AP1S2: variants seen among roughly 807,000 people sequenced by gnomAD.
AP1S2 encodes the protein adaptor related protein complex 1 subunit sigma 2, also known as AP-1 complex subunit sigma-2.
In AP1S2, 1 loss-of-function variant was observed where a neutral mutation model predicts 14.3. The ratio of observed to expected loss-of-function variants is 0.07; its 90% CI spans 0.02 to 0.33. The LOEUF is 0.33. Among genes scored for constraint, AP1S2 ranks in the 10% least tolerant of loss-of-function variants. The pLI is 0.99. For missense variants in AP1S2, 30 were observed against 117.7 expected (o/e 0.25, Z 3.45); for synonymous variants, 30 against 40.5 (o/e 0.74, Z 0.99).
At chrX:15,832,812 C>A (rs1933475074) in intron 4 of AP1S2, 1 of 939,726 alleles carries the variant, frequency 1.1e-6, no homozygotes, top group Non-Finnish European at 1.3e-6. Context: ...GTAATTGGGA[C>A]TATCCCTTGG....
chrX:15,843,811 G>T (rs918563599), intron 4 of AP1S2, among the ~76,000 whole-genome samples: 2 of 111,567 alleles, frequency 1.8e-5, no homozygotes, highest in African/African-American at 6.5e-5. Context: ...TCTGATTAGT[G>T]AACAGCAAAA....
chrX:15,833,125 G>A, intron 4 of AP1S2: 2 of 985,270 alleles, frequency 2.0e-6, no homozygotes, highest in Non-Finnish European at 2.6e-6. Flanking sequence ...TTATATTATA[G>A]TTTATCATCT....
At chrX:15,834,729 C>A (rs1039535167) in intron 4 of AP1S2, among the ~76,000 whole-genome samples, 1 of 102,896 alleles carries the variant, frequency 9.7e-6, no homozygotes, top group Non-Finnish European at 2.0e-5. Flanking sequence ...TCATGATCCA[C>A]CCGCCTCAGC....
In AP1S2 at chrX:15,826,263, A is replaced by C; in HGVS notation, c.*1062T>G. The C allele has an allele frequency of 8.9e-6, 1 of 112,577 alleles. No homozygotes were observed. The highest frequency in any genetic ancestry group is 4.6e-3 in the Middle Eastern group (1 of 219). 9.3% of individuals were successfully genotyped at this position (112,577 alleles called of 1,213,427 possible). ...GACGCTGAACAATTACATAGCTTTAAAAAATATAGAGCCATCTAATGCCAT... is the reference window on the plus strand; with the variant it reads ...GACGCTGAACAATTACATAGCTTTACAAAATATAGAGCCATCTAATGCCAT... On this transcript the variant is annotated 3_prime_UTR_variant, in exon 6 of 6. Coordinates refer to ENST00000672987, the MANE Select transcript of AP1S2 (RefSeq NM_001272071.2).
At position 15,828,208 on chromosome X, in the gene AP1S2, T is replaced by A; in HGVS notation, c.427-8A>T. Reference sequence around the variant, plus strand: ...TAAACTTACTTTCGCATCCTAATCATGGTACAGCACAAAGCAAGGAGAAGA... The same window carrying A: ...TAAACTTACTTTCGCATCCTAATCAAGGTACAGCACAAAGCAAGGAGAAGA... On this transcript the variant is annotated splice_polypyrimidine_tract_variant and splice_region_variant and intron_variant, in intron 4 of 5. Transcript: ENST00000672987. 9.0e-7 allele frequency: 1 copy of A among 1,116,620 alleles called. No individual in the cohort carries two copies. Among genetic ancestry groups the A allele is most frequent in the South Asian group, 2.2e-5 (1 of 45,964 alleles). The allele number at this position is 1,116,620 out of a possible 1,213,427, so 92.0% of individuals were successfully genotyped here. A position where few individuals can be genotyped will look rare whatever the true frequency, so the allele number is the denominator to read the frequency against.
rs1456347886 is a variant in AP1S2, at chrX:15,827,495, C to T, written c.436-123G>A. 6.0e-6 allele frequency: 4 copies of T among 664,951 alleles called. No individual in the cohort carries two copies. In the African/African-American group the frequency reaches 6.4e-5, roughly 11 times the overall value. The allele number at this position is 664,951 out of a possible 1,213,427, so 54.8% of individuals were successfully genotyped here. On this transcript the variant is annotated intron_variant, in intron 5 of 5. Transcript: ENST00000672987. ...AGAAAGCAATTTCGTGTCACAGTAG[C>T]ATTCTAGTTGACAGCCATTGGTTAT...
intron 1 of AP1S2, among the ~76,000 whole-genome samples, chrX:15,854,470 A>G (rs985472283): frequency 8.9e-6 from 1 of 112,488 alleles, no homozygotes; most frequent in Non-Finnish European, 1.9e-5. Context: ...GCTGTCGCGG[A>G]GCCCGGGACT....
chrX:15,849,263 A>C (rs1294101152), intron 2 of AP1S2, among the ~76,000 whole-genome samples: 1 of 112,706 alleles, frequency 8.9e-6, no homozygotes, highest in Non-Finnish European at 1.9e-5. Flanking sequence ...AGGATGAAGA[A>C]TGTAGATGAG....
At chrX:15,843,184 A>G (rs1456093684) in intron 4 of AP1S2, among the ~76,000 whole-genome samples, 9 of 112,233 alleles carry the variant, frequency 8.0e-5, no homozygotes. Flanking sequence ...TACATTAAAT[A>G]CTGAATATAT....
intron 2 of AP1S2, among the ~76,000 whole-genome samples, chrX:15,848,119 C>A (rs1451295049): frequency 9.0e-6 from 1 of 111,326 alleles, no homozygotes; most frequent in African/African-American, 3.3e-5. Flanking sequence ...TACTTTCACT[C>A]GGAATGGAAA....
In AP1S2 at chrX:15,849,717, TC is replaced by T. The variant is rs1209368061; in HGVS notation, c.179+2628del. Among the ~76,000 whole-genome samples the T allele has an allele frequency of 2.7e-5, 3 of 111,604 alleles. No homozygotes were observed. In the Admixed American group the frequency reaches 2.8e-4, roughly 11 times the overall value. The stretch of plus-strand genomic sequence containing the variant: ...TTCCTTTCTTCCCATAACAGCCCAT[TC>T]CTGGGATTGAATCCCTTGCTGGTAT... On this transcript the variant is annotated intron_variant, in intron 2 of 5. Coordinates refer to ENST00000672987, the MANE Select transcript of AP1S2 (RefSeq NM_001272071.2).
chrX:15,854,697 G>C lies in AP1S2; in HGVS notation c.-10C>G, dbSNP rs993659619. ...GCCCCCAGGGACTTACGGCGGCCGC[G>C]GGCCGCGGGCGCGGCGGAGCTTGGC... On this transcript the variant is annotated 5_prime_UTR_variant, in exon 1 of 6. Transcript: ENST00000672987. 1 of 763,033 alleles carries C rather than the reference G, an allele frequency of 1.3e-6. No individual in the cohort carries two copies. The highest frequency in any genetic ancestry group is 8.5e-5 in the Admixed American group (1 of 11,716). 62.9% of individuals were successfully genotyped at this position (763,033 alleles called of 1,213,427 possible).
intron 4 of AP1S2, among the ~76,000 whole-genome samples, chrX:15,828,480 T>C (rs1177589646): frequency 2.7e-5 from 3 of 111,938 alleles, no homozygotes; most frequent in African/African-American, 9.7e-5. Context: ...CATTTATTAT[T>C]AAACGCAAGT....
chrX:15,827,473 A>G, intron 5 of AP1S2, 101 bp from the exon 6 acceptor site: 2 of 829,251 alleles, frequency 2.4e-6, no homozygotes, highest in Non-Finnish European at 3.6e-6. Flanking sequence ...AGAATCAAGA[A>G]AGCAATTTCG....
At chrX:15,839,609 T>TA (rs1219306498) in intron 4 of AP1S2, among the ~76,000 whole-genome samples, 2 of 108,417 alleles carry the variant, frequency 1.8e-5, no homozygotes, top group Admixed American at 2.0e-4. Context: ...GCCTCCCAAT[T>TA]AGCTTGGACT....
At chrX:15,835,591 A>ATT (rs1231490969) in intron 4 of AP1S2, among the ~76,000 whole-genome samples, 2 of 106,004 alleles carry the variant, frequency 1.9e-5, no homozygotes, top group Non-Finnish European at 3.9e-5. Context: ...AAGTCAAGCG[A>ATT]TTTTTTTTTT....
intron 4 of AP1S2, among the ~76,000 whole-genome samples, chrX:15,843,714 G>T (rs1169146280): frequency 6.3e-5 from 7 of 111,973 alleles, no homozygotes; most frequent in African/African-American, 2.3e-4. Context: ...ATACAGATCT[G>T]TGACAAAATA....
intron 2 of AP1S2, among the ~76,000 whole-genome samples, chrX:15,849,998 A>C (rs1423085516): frequency 8.9e-6 from 1 of 112,032 alleles, no homozygotes; most frequent in Admixed American, 9.4e-5. Flanking sequence ...GGCAAAGGGC[A>C]TTATATGAAA....
rs753935383 is a variant in AP1S2, at chrX:15,849,959, T to C, written c.179+2387A>G. ...CTTCGCCCCATTACATCGAGAGTTC[T>C]ATCTCCACTATTCCACTGAAAATGT... On this transcript the variant is annotated intron_variant, in intron 2 of 5. Transcript: ENST00000672987. 2.0e-3 allele frequency among the ~76,000 whole-genome samples: 222 copies of C among 112,059 alleles called. 1 individual carries two copies. Among genetic ancestry groups the C allele is most frequent in the Middle Eastern group, 9.1e-3 (2 of 219 alleles).
Sources: gnomAD v4.1 joint callset for allele counts (sites outside exome capture counted in the v4.1 genomes callset) on GRCh38, gnomAD v4.1.1 for gene constraint, MANE v1.5 for transcripts, NCBI Gene and HGNC (gene_info 2026-07-23, HGNC 2026-07-21) for gene names.